Variants in P3H2 observed in about 807,000 individuals in gnomAD.
P3H2 encodes the protein prolyl 3-hydroxylase 2.
In P3H2, 80 loss-of-function variants were observed where a neutral mutation model predicts 87.0. The ratio of observed to expected loss-of-function variants is 0.92; its 90% CI spans 0.77 to 1.11. The LOEUF is 1.11. P3H2 is among the 50% of genes least tolerant of loss of function. The pLI, the probability that P3H2 is intolerant of heterozygous loss-of-function variation, is 0.00. For missense variants in P3H2, 1,001 were observed against 923.9 expected (o/e 1.08, Z -1.08); for synonymous variants, 367 against 359.3 (o/e 1.02, Z -0.24).
At chr3:190,085,082 C>T (rs7633358) in intron 1 of P3H2, among the ~76,000 whole-genome samples, 20,127 of 152,034 alleles carry the variant, frequency 0.13, 1,565 homozygotes, top group Non-Finnish European at 0.18. Context: ...GGGGAGCAGA[C>T]GTTGAATTAT....
intron 2 of P3H2, 127 bp downstream of exon 2, chr3:189,995,163 C>T (rs901623311): frequency 3.4e-6 from 3 of 895,388 alleles, no homozygotes; most frequent in South Asian, 1.9e-5. Flanking sequence ...TCTGAAAGTC[C>T]AAAAATGTTA....
intron 1 of P3H2, among the ~76,000 whole-genome samples, chr3:190,089,260 C>T (rs1727331774): frequency 6.6e-6 from 1 of 152,138 alleles, no homozygotes; most frequent in Admixed American, 6.5e-5. Context: ...AGGAGATACA[C>T]CTAATGTAAA....
chr3:190,121,677 C>T (rs1298061470), upstream of P3H2: 1 of 152,264 alleles, frequency 6.6e-6, no homozygotes, highest in Non-Finnish European at 1.5e-5. Context: ...GCAGGAGGAG[C>T]TGTACTCGCA....
intron 1 of P3H2, among the ~76,000 whole-genome samples, chr3:190,052,897 A>G (rs2108962010): frequency 6.6e-6 from 1 of 152,284 alleles, no homozygotes; most frequent in South Asian, 2.1e-4. Context: ...GCCACTTTCA[A>G]ATTCATCTTT....
At chr3:190,036,687 C>T (rs1380533448) in intron 1 of P3H2, among the ~76,000 whole-genome samples, 4 of 152,162 alleles carry the variant, frequency 2.6e-5, no homozygotes, top group Non-Finnish European at 1.5e-5. Flanking sequence ...CTCACTGAGT[C>T]TACCTTTGAC....
At position 190,052,298 on chromosome 3, in the gene P3H2, G is replaced by A. The variant is rs149094419; in HGVS notation, c.481-56856C>T. On this transcript the variant is annotated intron_variant, in intron 1 of 14. Transcript: ENST00000319332. ...GATGTTACCCTCCCTGGGTCCATAT[G>A]TTCTAATTTTTCAGCTCCCACTTAT... 9.2e-5 allele frequency among the ~76,000 whole-genome samples: 14 copies of A among 152,108 alleles called. 1 individual carries two copies. The highest frequency in any genetic ancestry group is 2.9e-4 in the African/African-American group (12 of 41,506).
upstream of P3H2, chr3:190,122,091 A>AAAAAAC (rs1712630887): frequency 1.3e-5 from 2 of 148,956 alleles, 1 homozygote; most frequent in African/African-American, 5.1e-5. Flanking sequence ...AAAAACAAAA[A>AAAAAAC]AAACAAAGAA....
At chr3:190,052,087 TTTTAC>T (rs989915417) in intron 1 of P3H2, among the ~76,000 whole-genome samples, 118 of 152,284 alleles carry the variant, frequency 7.7e-4, no homozygotes, top group African/African-American at 2.8e-3. Context: ...TTAAAATAAA[TTTTAC>T]TTTAAGTTCT....
At chr3:190,009,586 T>A (rs926818051) in intron 1 of P3H2, among the ~76,000 whole-genome samples, 1 of 152,190 alleles carries the variant, frequency 6.6e-6, no homozygotes, top group Non-Finnish European at 1.5e-5. Flanking sequence ...GAAGACTCAC[T>A]TTCTGTTCAT....
intron 1 of P3H2, among the ~76,000 whole-genome samples, chr3:190,006,417 T>C (rs779363834): frequency 6.6e-6 from 1 of 152,164 alleles, no homozygotes; most frequent in Non-Finnish European, 1.5e-5. Flanking sequence ...TATTTCAAAG[T>C]AGAGGTGAGT....
intron 3 of P3H2, among the ~76,000 whole-genome samples, chr3:189,990,719 A>G (rs985268123): frequency 6.6e-6 from 1 of 152,254 alleles, no homozygotes; most frequent in African/African-American, 2.4e-5. Context: ...ACAATTTTGA[A>G]GCAGACAAGA....
chr3:189,965,544 C>T (rs1001795591), intron 13 of P3H2, among the ~76,000 whole-genome samples: 16 of 152,202 alleles, frequency 1.1e-4, no homozygotes, highest in Non-Finnish European at 2.2e-4. Context: ...TTTACCAAGG[C>T]AACTGTTCTG....
chr3:190,053,505 T>C (rs938470038), intron 1 of P3H2, among the ~76,000 whole-genome samples: 2 of 150,088 alleles, frequency 1.3e-5, no homozygotes, highest in Non-Finnish European at 3.0e-5. Flanking sequence ...GGCCCCAGTC[T>C]GGAGTGCAAT....
intron 1 of P3H2, among the ~76,000 whole-genome samples, chr3:190,054,963 GA>G (rs1229305855): frequency 6.6e-6 from 1 of 152,056 alleles, no homozygotes; most frequent in African/African-American, 2.4e-5. Context: ...CTATCCATGA[GA>G]AATACATTGT....
At chr3:190,075,356 G>A (rs753261629) in intron 1 of P3H2, among the ~76,000 whole-genome samples, 9 of 151,878 alleles carry the variant, frequency 5.9e-5, no homozygotes, top group Non-Finnish European at 1.2e-4. Flanking sequence ...AGTGTGGTGG[G>A]CACATGTAAT....
At chr3:190,119,175 A>G (rs373128645) in intron 1 of P3H2, among the ~76,000 whole-genome samples, 1,805 of 18,084 alleles carry the variant, frequency 0.1, 20 homozygotes, top group African/African-American at 0.16. Flanking sequence ...GGGAGGGGAG[A>G]GGAGAGGAGA....
intron 3 of P3H2, 116 bp downstream of exon 3, chr3:189,993,978 T>C: frequency 3.6e-6 from 3 of 826,382 alleles, no homozygotes; most frequent in South Asian, 1.7e-5. Context: ...GATAGACACA[T>C]GAGAGTCTTT....
rs756736285 is a variant in P3H2 at position 190,045,949 on chromosome 3, G to A, written c.481-50507C>T. On this transcript the variant is annotated intron_variant, in intron 1 of 14. Transcript: ENST00000319332. ...ATCCTGGCTAACATGGTGAAACCCC[G>A]TCTCTAAAAATAAAAATACAAAAAT... Among the ~76,000 whole-genome samples the A allele has an allele frequency of 4.6e-4, 70 of 152,046 alleles. 1 individual carries two copies. Among genetic ancestry groups the A allele is most frequent in the South Asian group, 1.0e-3 (5 of 4,820 alleles).
intron 1 of P3H2, among the ~76,000 whole-genome samples, chr3:190,092,723 ATATTT>A (rs1282624214): frequency 1.3e-5 from 2 of 152,234 alleles, no homozygotes; most frequent in Non-Finnish European, 2.9e-5. Flanking sequence ...GTAAATTTTT[ATATTT>A]TATTTAAGGC....
Sources: allele counts gnomAD v4.1 joint callset (sites outside exome capture counted in the v4.1 genomes callset), GRCh38; gene constraint gnomAD v4.1.1; transcripts MANE v1.5; gene names NCBI Gene and HGNC (gene_info 2026-07-23, HGNC 2026-07-21).